The following RNF32 variants were observed in gnomAD, a reference collection of about 807,000 sequenced individuals.
The protein encoded by RNF32 is ring finger protein 32.
A neutral mutation model predicts 41.0 loss-of-function variants in RNF32; 36 were observed. The ratio of observed to expected loss-of-function variants is 0.88; its 90% CI spans 0.67 to 1.16. The LOEUF (loss-of-function observed/expected upper bound fraction) is 1.16, where lower values mean the gene tolerates loss of function less well. Ranked by LOEUF, RNF32 falls within the 50% of genes most tolerant of loss-of-function variation. The probability of loss-of-function intolerance (pLI) is 0.00; values close to 1 mark genes in which losing one functional copy is unlikely to be tolerated. For synonymous variants in RNF32, 154 were observed against 160.9 expected (o/e 0.96, Z 0.32); for missense variants, 413 against 436.7 (o/e 0.95, Z 0.48).
At chr7:156,675,258 C>T (rs993631780) in intron 7 of RNF32, among the ~76,000 whole-genome samples, 6 of 152,188 alleles carry the variant, frequency 3.9e-5, no homozygotes, top group African/African-American at 9.6e-5. Flanking sequence ...TGAGGGTGGT[C>T]GGTGGGAACC....
chr7:156,661,211 A>G (rs1199477372), intron 7 of RNF32, among the ~76,000 whole-genome samples: 1 of 46,638 alleles, frequency 2.1e-5, no homozygotes, highest in Non-Finnish European at 3.4e-5. Context: ...AGGAGTGGGC[A>G]TAAGGGGCAT....
At position 156,676,452 on chromosome 7, in the gene RNF32, T is replaced by C. The variant is rs1220626716; in HGVS notation, c.886T>C (p.Cys296Arg). The part of the protein sequence containing the change: ...LRRETHECSI[C>R]LAPLSAAGGQ... Reference sequence around the variant, plus strand: ...CCGGGAGACCCACGAGTGCTCCATCTGCCTGGCCCCTCTCTCCGCTGCTGG... The same window carrying C: ...CCGGGAGACCCACGAGTGCTCCATCCGCCTGGCCCCTCTCTCCGCTGCTGG... The change falls in exon 9 of 9, where the codon TGC becomes CGC. Residue 296 changes from cysteine to arginine, a missense_variant. Cys to Arg is a radical substitution (Grantham distance 180, BLOSUM62 -3). Transcript: ENST00000317955. The C allele has an allele frequency of 2.5e-6, 4 of 1,613,990 alleles. No individual in the cohort carries two copies. The Admixed American group carries it at 5.0e-5, about 20-fold the overall frequency.
chr7:156,640,608 T>C, upstream of RNF32: 2 of 398,828 alleles, frequency 5.0e-6, no homozygotes, highest in Non-Finnish European at 9.8e-6. Flanking sequence ...GGACAGGGCG[T>C]GGTTGGCAAG....
chr7:156,641,155 G>A (rs542212183), intron 1 of RNF32, among the ~76,000 whole-genome samples: 1 of 152,198 alleles, frequency 6.6e-6, no homozygotes, highest in Non-Finnish European at 1.5e-5. Flanking sequence ...GCTTTGAGAG[G>A]AATTGGAGCC....
At chr7:156,655,338 T>G (rs934919298) in intron 4 of RNF32, among the ~76,000 whole-genome samples, 4 of 152,022 alleles carry the variant, frequency 2.6e-5, no homozygotes, top group Non-Finnish European at 5.9e-5. Flanking sequence ...TCTATACATA[T>G]TTTGTCTGCC....
At chr7:156,666,629 T>C (rs1801374665) in intron 7 of RNF32, among the ~76,000 whole-genome samples, 1 of 152,210 alleles carries the variant, frequency 6.6e-6, no homozygotes, top group South Asian at 2.1e-4. Context: ...AGAGAGGGTG[T>C]TTGAGTTGTC....
In RNF32 at chr7:156,654,718, G is replaced by C; in HGVS notation, c.417G>C (p.Gln139His). 1 of 1,613,688 alleles carries C rather than the reference G, an allele frequency of 6.2e-7. No homozygotes were observed. Among genetic ancestry groups the C allele is most frequent in the Non-Finnish European group, 8.5e-7 (1 of 1,179,636 alleles). Residue 139 changes from glutamine to histidine, a missense_variant and splice_region_variant, in exon 4 of 9, where the codon CAG becomes CAC. Gln to His is a conservative substitution (Grantham distance 24). Coordinates refer to ENST00000317955, the MANE Select transcript of RNF32 (RefSeq NM_030936.4). ...AAGAAGAATTCGAGCTTCGTCCTCA[G>C]GTGTTTAGCATACGAGGGTGAGCTA... Reference protein sequence around the residue: ...ICKEEFELRPQVLLSCSHVFH... With the variant: ...ICKEEFELRPHVLLSCSHVFH...
intron 7 of RNF32, among the ~76,000 whole-genome samples, chr7:156,667,502 T>G (rs571623750): frequency 6.6e-6 from 1 of 152,354 alleles, no homozygotes; most frequent in South Asian, 2.1e-4. Context: ...TGAAAATGTT[T>G]AGGTATTTTG....
intron 3 of RNF32, among the ~76,000 whole-genome samples, chr7:156,648,276 G>A (rs1798248401): frequency 6.6e-6 from 1 of 152,198 alleles, no homozygotes; most frequent in African/African-American, 2.4e-5. Context: ...GTCACACAAG[G>A]TGGAGGGGAC....
At chr7:156,656,766 C>A (rs558834675) in intron 4 of RNF32, among the ~76,000 whole-genome samples, 2 of 152,364 alleles carry the variant, frequency 1.3e-5, no homozygotes, top group East Asian at 3.9e-4. Context: ...CGCCTGACCC[C>A]ACCGCTTTGC....
Position 156,676,905 on chromosome 7 carries a change from G to A in RNF32, c.*250G>A, listed in dbSNP as rs1000888263. 1.1e-5 allele frequency: 5 copies of A among 443,446 alleles called. No individual in the cohort carries two copies. The highest frequency in any genetic ancestry group is 7.8e-5 in the African/African-American group (4 of 50,992). The allele number at this position is 443,446 out of a possible 1,614,324, so 27.5% of individuals were successfully genotyped here. On this transcript the variant is annotated 3_prime_UTR_variant, in exon 9 of 9. Transcript: ENST00000317955. ...TTCAAATATGAATAGCAAAAAATGA[G>A]AGCTTGCTTACTTCTAAAAATTGAG...
At chr7:156,643,917 A>T in intron 2 of RNF32, 25 bp downstream of exon 2, 1 of 1,590,974 alleles carries the variant, frequency 6.3e-7, no homozygotes, top group Admixed American at 1.7e-5. Flanking sequence ...TCTTAAACAT[A>T]CACGTTATTT....
At chr7:156,665,061 G>A (rs950475349) in intron 7 of RNF32, among the ~76,000 whole-genome samples, 2 of 152,072 alleles carry the variant, frequency 1.3e-5, no homozygotes, top group African/African-American at 2.4e-5. Flanking sequence ...CTCAACTCAG[G>A]CTTCATTTTC....
chr7:156,651,215 C>CTTT (rs201556848), intron 3 of RNF32, among the ~76,000 whole-genome samples: 151 of 138,744 alleles, frequency 1.1e-3, no homozygotes, highest in African/African-American at 3.2e-3. Flanking sequence ...TTTAATATTT[C>CTTT]TTTTTTTTTT....
chr7:156,665,241 TGA>T (rs1384939146), intron 7 of RNF32, among the ~76,000 whole-genome samples: 2 of 152,132 alleles, frequency 1.3e-5, no homozygotes, highest in African/African-American at 2.4e-5. Flanking sequence ...CCCCTCTGAG[TGA>T]GAGACTAGCT....
chr7:156,675,626 C>A (rs2131753395), intron 7 of RNF32, 70 bp from the exon 8 acceptor site: 8 of 1,356,732 alleles, frequency 5.9e-6, no homozygotes, highest in Middle Eastern at 1.9e-4. Context: ...GATGGTCAGG[C>A]TCGAGAGCGC....
chr7:156,653,997 C>A (rs1332642571), intron 3 of RNF32, among the ~76,000 whole-genome samples: 2 of 152,036 alleles, frequency 1.3e-5, no homozygotes, highest in Non-Finnish European at 2.9e-5. Context: ...GGATATCACT[C>A]CTGCTTGCCT....
In RNF32 at chr7:156,669,910, T is replaced by A. The variant is rs1325043680; in HGVS notation, c.685-5786T>A. ...AGGAGGGCGGGCGGTCATGGCCTAG[T>A]GCCATGAAAATGAAACACAGATCCC... is the stretch of plus-strand genomic sequence containing the variant. On this transcript the variant is annotated intron_variant, in intron 7 of 8. Transcript: ENST00000317955. This position sits in a 1 kb window ranked among gnomAD's most constrained non-coding sequence, Gnocchi z 4.2. Among the ~76,000 whole-genome samples, 7 of 152,108 alleles carry A rather than the reference T, an allele frequency of 4.6e-5. No individual in the cohort carries two copies. Among genetic ancestry groups the A allele is most frequent in the Admixed American group, 4.6e-4 (7 of 15,270 alleles).
chr7:156,676,823 C>A lies in RNF32; in HGVS notation c.*168C>A. The A allele has an allele frequency of 1.7e-6, 1 of 589,700 alleles. No homozygotes were observed. The highest frequency in any genetic ancestry group is 3.0e-5 in the Admixed American group (1 of 33,170). The allele number at this position is 589,700 out of a possible 1,614,324, so 36.5% of individuals were successfully genotyped here. A position where few individuals can be genotyped will look rare whatever the true frequency, so the allele number is the denominator to read the frequency against. On this transcript the variant is annotated 3_prime_UTR_variant, in exon 9 of 9. Transcript: ENST00000317955. ...GTATATTTTAAAAGCTGACATCCCACCTAATTTTAATCTTTGGTCTCTAAA... is the reference window on the plus strand; with the variant it reads ...GTATATTTTAAAAGCTGACATCCCAACTAATTTTAATCTTTGGTCTCTAAA...
Sources: allele counts gnomAD v4.1 joint callset (sites outside exome capture counted in the v4.1 genomes callset), GRCh38; gene constraint gnomAD v4.1.1; non-coding constraint Gnocchi (gnomAD v3.1); transcripts MANE v1.5; gene names NCBI Gene and HGNC (gene_info 2026-07-23, HGNC 2026-07-21).